CLNK: variants seen among roughly 807,000 people sequenced by gnomAD.
CLNK encodes the protein cytokine-dependent hematopoietic cell linker.
In CLNK, 74 loss-of-function variants were observed where a neutral mutation model predicts 68.6. The ratio of observed to expected loss-of-function variants is 1.08; its 90% CI spans 0.89 to 1.31. CLNK has a LOEUF of 1.31. CLNK is among the 50% of genes most tolerant of loss of function. The probability of loss-of-function intolerance (pLI) is 0.00; values close to 1 mark genes in which losing one functional copy is unlikely to be tolerated. For synonymous variants in CLNK, 198 were observed against 172.2 expected, an observed-to-expected ratio of 1.15 and a Z score of -1.17; for missense variants, 553 against 515.3, an observed-to-expected ratio of 1.07 and a Z score of -0.71.
At chr4:10,730,186 T>C in the CLNK span, among the ~76,000 whole-genome samples, 1 of 152,166 alleles carries the variant, frequency 6.6e-6, no homozygotes, top group Non-Finnish European at 1.5e-5. Context: ...ATAGCCACCA[T>C]CTGCGGCCAC....
chr4:10,566,030 T>C lies in CLNK; in HGVS notation c.271A>G (p.Ile91Val), dbSNP rs1720095090. The change falls in exon 6 of 19, where the codon ATA becomes GTA. Residue 91 changes from isoleucine (I) to valine (V), a missense_variant. Coordinates refer to ENST00000226951, the MANE Select transcript of CLNK (RefSeq NM_052964.4). The part of the protein sequence containing the change: ...QSIKILPARP[I>V]KESEYADTHY... ...TTACCTGCATATTCAGATTCCTTTA[T>C]AGGCCGGGCTGGTAAAATTTTAATC... The C allele has an allele frequency of 7.4e-6, 12 of 1,613,790 alleles. No homozygotes were observed. The highest frequency in any genetic ancestry group is 9.3e-6 in the Non-Finnish European group (11 of 1,179,814).
At chr4:10,655,327 CCAAAGACA>C (rs1723928827) in intron 2 of CLNK, among the ~76,000 whole-genome samples, 1 of 89,708 alleles carries the variant, frequency 1.1e-5, no homozygotes, top group African/African-American at 4.4e-5. Context: ...CCTAAAACCC[CCAAAGACA>C]GAGAGAGAGA....
intron 1 of CLNK, among the ~76,000 whole-genome samples, chr4:10,678,255 A>G (rs1724951611): frequency 6.6e-6 from 1 of 152,238 alleles, no homozygotes. Context: ...AGATGAGGCT[A>G]TGAGTGCTCA....
chr4:10,720,750 G>C, the CLNK span, among the ~76,000 whole-genome samples: 1 of 150,900 alleles, frequency 6.6e-6, no homozygotes, highest in Non-Finnish European at 1.5e-5. Context: ...CATTGCTGAT[G>C]GGAATGTAAA....
intron 4 of CLNK, among the ~76,000 whole-genome samples, chr4:10,577,115 A>G (rs374407130): frequency 1.7e-4 from 26 of 152,352 alleles, no homozygotes; most frequent in East Asian, 1.2e-3. Flanking sequence ...GGAAGCCTGC[A>G]GAGGTTTAGC....
the CLNK span, among the ~76,000 whole-genome samples, chr4:10,730,495 T>G: frequency 1.3e-5 from 2 of 152,208 alleles, no homozygotes; most frequent in African/African-American, 4.8e-5. Flanking sequence ...ATTTTTAATC[T>G]TGCATTTGAA....
At chr4:10,608,869 T>C (rs1019123) in intron 2 of CLNK, among the ~76,000 whole-genome samples, 105,841 of 152,034 alleles carry the variant, frequency 0.7, 37,699 homozygotes, top group East Asian at 0.77. Context: ...GAACTGGCGT[T>C]TGGTGAGAGC....
chr4:10,530,004 T>C (rs1269331054), intron 12 of CLNK, among the ~76,000 whole-genome samples: 1 of 152,132 alleles, frequency 6.6e-6, no homozygotes, highest in African/African-American at 2.4e-5. Flanking sequence ...TTCTTTTCCT[T>C]TTTCCTCCCT....
intron 2 of CLNK, among the ~76,000 whole-genome samples, chr4:10,623,149 T>A (rs1722527627): frequency 6.6e-6 from 1 of 152,200 alleles, no homozygotes; most frequent in Admixed American, 6.5e-5. Context: ...TACCTACAGT[T>A]CTCATTCCAG....
intron 8 of CLNK, among the ~76,000 whole-genome samples, chr4:10,556,352 A>T (rs1719672278): frequency 6.6e-6 from 1 of 152,120 alleles, no homozygotes; most frequent in South Asian, 2.1e-4. Flanking sequence ...CTTACATTTT[A>T]TCTTTATTTT....
chr4:10,518,982 C>T (rs922269142), intron 15 of CLNK, among the ~76,000 whole-genome samples: 2 of 152,156 alleles, frequency 1.3e-5, no homozygotes, highest in African/African-American at 2.4e-5. Flanking sequence ...AGGAACATTG[C>T]AGGGGTGCTT....
intron 2 of CLNK, among the ~76,000 whole-genome samples, chr4:10,649,747 A>G (rs59509964): frequency 0.039 from 5,916 of 151,436 alleles, 353 homozygotes; most frequent in African/African-American, 0.13. Flanking sequence ...AATGTAAGGA[A>G]GGCCTGTTTT....
At chr4:10,552,259 C>G (rs1018258345) in intron 8 of CLNK, among the ~76,000 whole-genome samples, 1 of 152,112 alleles carries the variant, frequency 6.6e-6, no homozygotes, top group Non-Finnish European at 1.5e-5. Context: ...GGAACACATT[C>G]AGGCTATAGT....
At chr4:10,658,497 C>T (rs1470140929) in intron 2 of CLNK, among the ~76,000 whole-genome samples, 1 of 152,190 alleles carries the variant, frequency 6.6e-6, no homozygotes, top group African/African-American at 2.4e-5. Context: ...GTCTCTGGTG[C>T]TGTTTCATTC....
At chr4:10,624,441 C>G (rs977234999) in intron 2 of CLNK, among the ~76,000 whole-genome samples, 2 of 152,074 alleles carry the variant, frequency 1.3e-5, no homozygotes, top group Admixed American at 6.6e-5. Context: ...TATAGGCGCC[C>G]GCCACCACGC....
intron 2 of CLNK, among the ~76,000 whole-genome samples, chr4:10,626,681 G>A (rs1442906824): frequency 6.6e-6 from 1 of 152,134 alleles, no homozygotes; most frequent in Admixed American, 6.5e-5. Context: ...CATGCATTAG[G>A]ATATATGCAC....
chr4:10,670,282 T>C (rs1208227014), intron 1 of CLNK, among the ~76,000 whole-genome samples: 3 of 152,238 alleles, frequency 2.0e-5, no homozygotes, highest in Admixed American at 1.3e-4. Context: ...TTAGTATTTA[T>C]AGAGATTAAA....
intron 1 of CLNK, among the ~76,000 whole-genome samples, chr4:10,673,382 C>A (rs1275546251): frequency 6.6e-6 from 1 of 151,962 alleles, no homozygotes; most frequent in Non-Finnish European, 1.5e-5. Flanking sequence ...TGCCTGATTG[C>A]CCTGGACAGA....
At chr4:10,580,211 T>C (rs754029773) in intron 4 of CLNK, among the ~76,000 whole-genome samples, 1 of 151,682 alleles carries the variant, frequency 6.6e-6, no homozygotes, top group Non-Finnish European at 1.5e-5. Context: ...CATAGCACAA[T>C]GCATGACTCA....
Sources: allele counts gnomAD v4.1 joint callset (sites outside exome capture counted in the v4.1 genomes callset), GRCh38; gene constraint gnomAD v4.1.1; transcripts MANE v1.5; gene names NCBI Gene and HGNC (gene_info 2026-07-23, HGNC 2026-07-21).